Variants in STAG1 observed in about 807,000 individuals in gnomAD.
STAG1 encodes the protein STAG1 cohesin complex component.
Under a neutral mutation model 170.9 loss-of-function variants are expected in STAG1, and 26 were observed. The ratio of observed to expected loss-of-function variants is 0.15; its 90% CI spans 0.11 to 0.21. STAG1 has a LOEUF of 0.21. Among genes scored for constraint, STAG1 ranks in the 10% least tolerant of loss-of-function variants. The pLI is 1.00. For synonymous variants in STAG1, 514 were observed against 497.7 expected (o/e 1.03, Z -0.44); for missense variants, 964 against 1,509.5 (o/e 0.64, Z 5.99).
chr3:136,391,319 A>G (rs888699756), intron 22 of STAG1, among the ~76,000 whole-genome samples: 1 of 151,380 alleles, frequency 6.6e-6, no homozygotes, highest in African/African-American at 2.4e-5. Context: ...ATAAGGATAA[A>G]TTCTAGATCC....
rs1464909930 is a variant in STAG1 at position 136,345,457 on chromosome 3, T to G, written c.3272-1451A>C. The stretch of plus-strand genomic sequence containing the variant: ...TCCTGATAAAATATTACCTAGTTGT[T>G]TTTTTTTTTTTTTTTTTTTTTGAGA... On this transcript the variant is annotated intron_variant, in intron 29 of 33. Coordinates refer to ENST00000383202, the MANE Select transcript of STAG1 (RefSeq NM_005862.3). Among the ~76,000 whole-genome samples, 7 of 13,070 alleles carry G rather than the reference T, an allele frequency of 5.4e-4. No homozygotes were observed. The South Asian group carries it at 0.018, about 33-fold the overall frequency. The allele number at this position is 13,070 out of a possible 152,430, so 8.6% of individuals were successfully genotyped here.
At chr3:136,584,804 C>T (rs190009539) in intron 4 of STAG1, among the ~76,000 whole-genome samples, 1 of 152,256 alleles carries the variant, frequency 6.6e-6, no homozygotes, top group East Asian at 1.9e-4. Flanking sequence ...CTCTCTGCAT[C>T]CAGTTAGGAG....
chr3:136,572,995 G>A (rs1475761866), intron 4 of STAG1, among the ~76,000 whole-genome samples: 1 of 152,084 alleles, frequency 6.6e-6, no homozygotes, highest in East Asian at 1.9e-4. Flanking sequence ...AGGCAACACA[G>A]TGATACCCTC....
intron 21 of STAG1, among the ~76,000 whole-genome samples, chr3:136,406,921 T>G (rs996918952): frequency 7.9e-5 from 12 of 152,254 alleles, no homozygotes. Context: ...ACTCTGAAAT[T>G]TTATTGTCAA....
chr3:136,393,011 T>C (rs773422270), intron 22 of STAG1, among the ~76,000 whole-genome samples: 3 of 152,134 alleles, frequency 2.0e-5, no homozygotes, highest in Non-Finnish European at 2.9e-5. Context: ...TAAATGTTTC[T>C]ATAACTGTAT....
chr3:136,590,913 C>T (rs1290261028), intron 4 of STAG1, among the ~76,000 whole-genome samples: 1 of 151,818 alleles, frequency 6.6e-6, no homozygotes, highest in African/African-American at 2.4e-5. Flanking sequence ...TGTGAAGTTC[C>T]ATTTATTTTA....
At chr3:136,523,491 A>T (rs1375011899) in intron 6 of STAG1, among the ~76,000 whole-genome samples, 2 of 151,688 alleles carry the variant, frequency 1.3e-5, no homozygotes, top group Non-Finnish European at 3.0e-5. Context: ...AGTAGATTGC[A>T]AAAATCTTCT....
chr3:136,490,184 G>A (rs2090096762), intron 9 of STAG1, among the ~76,000 whole-genome samples: 1 of 151,970 alleles, frequency 6.6e-6, no homozygotes, highest in African/African-American at 2.4e-5. Flanking sequence ...GGGATTACAG[G>A]CACAGACCAT....
At chr3:136,513,752 T>A (rs1934197817) in intron 7 of STAG1, among the ~76,000 whole-genome samples, 1 of 152,162 alleles carries the variant, frequency 6.6e-6, no homozygotes, top group African/African-American at 2.4e-5. Flanking sequence ...TTTCCCAAAT[T>A]GTCTTTTTCT....
intron 21 of STAG1, among the ~76,000 whole-genome samples, chr3:136,406,228 T>C (rs1359112834): frequency 6.6e-6 from 1 of 152,204 alleles, no homozygotes; most frequent in African/African-American, 2.4e-5. Context: ...CAACTTTGAC[T>C]CACACAACTT....
chr3:136,345,468 T>G lies in STAG1; in HGVS notation c.3272-1462A>C, dbSNP rs539701294. ...TATTACCTAGTTGTTTTTTTTTTTTTTTTTTTTTTTGAGATGGGGTTTTGC... is the reference window on the plus strand; with the variant it reads ...TATTACCTAGTTGTTTTTTTTTTTTGTTTTTTTTTTGAGATGGGGTTTTGC... On this transcript the variant is annotated intron_variant, in intron 29 of 33. Transcript: ENST00000383202. Among the ~76,000 whole-genome samples the G allele has an allele frequency of 3.9e-3, 586 of 149,496 alleles. 7 individuals are homozygous for G. Among genetic ancestry groups the G allele is most frequent in the African/African-American group, 0.012 (475 of 40,608 alleles).
At chr3:136,660,111 T>C (rs1175640926) in intron 1 of STAG1, among the ~76,000 whole-genome samples, 1 of 152,214 alleles carries the variant, frequency 6.6e-6, no homozygotes. Flanking sequence ...CACAGATACA[T>C]GACAAATGTG....
At position 136,614,344 on chromosome 3, in the gene STAG1, C is replaced by G. The variant is rs375975722; in HGVS notation, c.132+8802G>C. ...GTTTTATATCCCATAAACAACAGTA[C>G]AAATGAAATATCTATGGTCCATAGG... On this transcript the variant is annotated intron_variant, in intron 3 of 33. Coordinates refer to ENST00000383202, the MANE Select transcript of STAG1 (RefSeq NM_005862.3). 2.2e-4 allele frequency among the ~76,000 whole-genome samples: 33 copies of G among 152,202 alleles called. 1 individual carries two copies. In the East Asian group the frequency reaches 5.8e-3, roughly 27 times the overall value.
chr3:136,556,953 C>T (rs1414977653), intron 5 of STAG1, among the ~76,000 whole-genome samples: 2 of 151,964 alleles, frequency 1.3e-5, no homozygotes, highest in South Asian at 2.1e-4. Context: ...AATTTTTTGA[C>T]CAGGAGCAAT....
At position 136,730,888 on chromosome 3, in the gene STAG1, A is replaced by G. The variant is rs138028926; in HGVS notation, c.-84+21307T>C. Among the ~76,000 whole-genome samples, 563 of 152,350 alleles carry G rather than the reference A, an allele frequency of 3.7e-3. 3 individuals carry two copies. Among genetic ancestry groups the G allele is most frequent in the African/African-American group, 0.013 (535 of 41,582 alleles). ...CAATGATTCTTAAACTTCAGCCTAC[A>G]TCAGAATCACCTGAAGACCTGTAAA... On this transcript the variant is annotated intron_variant, in intron 1 of 33. Transcript: ENST00000383202.
At chr3:136,680,247 C>T (rs1246821864) in intron 1 of STAG1, among the ~76,000 whole-genome samples, 1 of 152,104 alleles carries the variant, frequency 6.6e-6, no homozygotes, top group East Asian at 1.9e-4. Context: ...GGCATCAGAG[C>T]GAGACCCTGT....
chr3:136,500,808 C>T (rs1933423456), intron 8 of STAG1, among the ~76,000 whole-genome samples: 1 of 152,134 alleles, frequency 6.6e-6, no homozygotes, highest in Admixed American at 6.5e-5. Context: ...AGGATCCTGG[C>T]TACTTATGGT....
chr3:136,587,797 A>T (rs1369751682), intron 4 of STAG1, among the ~76,000 whole-genome samples: 1 of 152,040 alleles, frequency 6.6e-6, no homozygotes, highest in African/African-American at 2.4e-5. Flanking sequence ...TCTACCAAAA[A>T]CACAAAAATT....
At chr3:136,671,214 G>A (rs1386578642) in intron 1 of STAG1, among the ~76,000 whole-genome samples, 1 of 152,190 alleles carries the variant, frequency 6.6e-6, no homozygotes, top group South Asian at 2.1e-4. Flanking sequence ...AAATCAGGAG[G>A]TGGAGGCTGC....
Sources: allele counts gnomAD v4.1 joint callset (sites outside exome capture counted in the v4.1 genomes callset), GRCh38; gene constraint gnomAD v4.1.1; transcripts MANE v1.5; gene names NCBI Gene and HGNC (gene_info 2026-07-23, HGNC 2026-07-21).